The following CAMKMT variants were observed in gnomAD, a reference collection of about 807,000 sequenced individuals.
The protein encoded by CAMKMT is CaM KMT.
CAMKMT carries 53 observed loss-of-function variants against 48.0 expected under a neutral mutation model. The ratio of observed to expected loss-of-function variants is 1.10; its 90% confidence interval spans 0.89 to 1.39. CAMKMT has a LOEUF of 1.39. Ranked by LOEUF, CAMKMT falls within the 40% of genes most tolerant of loss-of-function variation. CAMKMT has a pLI of 0.00. For missense variants in CAMKMT, 428 were observed against 402.7 expected (o/e 1.06, Z -0.54); for synonymous variants, 165 against 152.3 (o/e 1.08, Z -0.61).
rs535157458 is a variant in CAMKMT, at chr2:44,647,891, G to C, written c.377-56392G>C. ...CCACTACACTCCAGCCTGGGCGACA[G>C]AGTGAGACTCCGTCTCAAAAAAAAA... On this transcript the variant is annotated intron_variant, in intron 3 of 10. Coordinates refer to ENST00000378494, the MANE Select transcript of CAMKMT (RefSeq NM_024766.5). Among the ~76,000 whole-genome samples, 6 of 125,852 alleles carry C rather than the reference G, an allele frequency of 4.8e-5. No individual in the cohort carries two copies. In the Admixed American group the frequency reaches 5.7e-4, roughly 12 times the overall value. The allele number at this position is 125,852 out of a possible 152,430, so 82.6% of individuals were successfully genotyped here.
chr2:44,474,212 G>A (rs1178203255), intron 3 of CAMKMT, among the ~76,000 whole-genome samples: 13 of 152,068 alleles, frequency 8.5e-5, no homozygotes, highest in African/African-American at 2.7e-4. Flanking sequence ...TTGGGAGGCC[G>A]AGGCAGGCGG....
intron 3 of CAMKMT, among the ~76,000 whole-genome samples, chr2:44,685,094 C>T (rs1219091358): frequency 6.6e-6 from 1 of 151,324 alleles, no homozygotes; most frequent in Non-Finnish European, 1.5e-5. Flanking sequence ...CAATGAGGTC[C>T]CTGTCCTCAA....
At chr2:44,692,866 C>T (rs547943916) in intron 3 of CAMKMT, among the ~76,000 whole-genome samples, 1 of 152,158 alleles carries the variant, frequency 6.6e-6, no homozygotes, top group African/African-American at 2.4e-5. Context: ...GAATCAGACC[C>T]CAGATCCCTA....
chr2:44,687,121 A>G (rs911281207), intron 3 of CAMKMT, among the ~76,000 whole-genome samples: 13 of 152,172 alleles, frequency 8.5e-5, no homozygotes, highest in African/African-American at 2.9e-4. Context: ...ACATAATTCA[A>G]TTTTTTTATC....
chr2:44,516,998 T>C (rs1165042743), intron 3 of CAMKMT, among the ~76,000 whole-genome samples: 1 of 152,150 alleles, frequency 6.6e-6, no homozygotes, highest in Non-Finnish European at 1.5e-5. Context: ...TGTCTCAGCC[T>C]CCCAAAGTGC....
chr2:44,397,678 A>G (rs906097581), intron 3 of CAMKMT, among the ~76,000 whole-genome samples: 2 of 152,210 alleles, frequency 1.3e-5, no homozygotes, highest in Non-Finnish European at 1.5e-5. Context: ...TTTGTTATCA[A>G]TTACCAGAGA....
intron 3 of CAMKMT, among the ~76,000 whole-genome samples, chr2:44,654,508 A>G (rs1180847218): frequency 6.6e-6 from 1 of 151,826 alleles, no homozygotes; most frequent in Non-Finnish European, 1.5e-5. Flanking sequence ...GCTACAAACC[A>G]TTTTTCGTTT....
At chr2:44,637,155 C>T (rs915998193) in intron 3 of CAMKMT, among the ~76,000 whole-genome samples, 1 of 152,208 alleles carries the variant, frequency 6.6e-6, no homozygotes, top group South Asian at 2.1e-4. Flanking sequence ...TAATGACAGT[C>T]ATTTAGCTTT....
rs1179445742 is a variant in CAMKMT at position 44,706,298 on chromosome 2, TG to T, written c.450del (p.Cys151ValfsTer3). 6.2e-7 allele frequency: 1 copy of T among 1,613,194 alleles called. No individual in the cohort carries two copies. Among genetic ancestry groups the T allele is most frequent in the African/African-American group, 1.3e-5 (1 of 74,818 alleles). ...KHNNIFRALA[V>X]CELGGGMTCL... ...TTTCTCTCTTTCAGGGCCCTTGCTGTGTGTGAGCTAGGGGGTGGCATGACAT... is the reference window on the plus strand; with the variant it reads ...TTTCTCTCTTTCAGGGCCCTTGCTGTTGTGAGCTAGGGGGTGGCATGACAT... On this transcript the variant is annotated frameshift_variant, in exon 5 of 11. Coordinates refer to ENST00000378494, the MANE Select transcript of CAMKMT (RefSeq NM_024766.5). LOFTEE classifies it high-confidence loss of function.
chr2:44,460,617 T>A (rs964275251), intron 3 of CAMKMT, among the ~76,000 whole-genome samples: 2 of 152,040 alleles, frequency 1.3e-5, no homozygotes, highest in Admixed American at 1.3e-4. Flanking sequence ...TGGACACTGG[T>A]GATGTGGTTG....
At chr2:44,654,650 C>A (rs1685323053) in intron 3 of CAMKMT, among the ~76,000 whole-genome samples, 1 of 152,066 alleles carries the variant, frequency 6.6e-6, no homozygotes, top group Non-Finnish European at 1.5e-5. Context: ...GTAGCTGGGA[C>A]TACAGACGTG....
chr2:44,507,246 C>A (rs115072217), intron 3 of CAMKMT, among the ~76,000 whole-genome samples: 1 of 152,128 alleles, frequency 6.6e-6, no homozygotes, highest in Admixed American at 6.5e-5. Flanking sequence ...TCAGTAAATT[C>A]TTTTTGTCAT....
chr2:44,438,566 G>A (rs58309621), intron 3 of CAMKMT, among the ~76,000 whole-genome samples: 11,469 of 152,204 alleles, frequency 0.075, 1,287 homozygotes, highest in African/African-American at 0.25. Context: ...AGTCTGTGAC[G>A]TAAAGTTAGG....
At chr2:44,588,794 C>T (rs1242480079) in intron 3 of CAMKMT, among the ~76,000 whole-genome samples, 6 of 40,108 alleles carry the variant, frequency 1.5e-4, no homozygotes, top group African/African-American at 5.4e-4. Context: ...CCCCACTGCC[C>T]GGCCAGCCGC....
At chr2:44,603,770 G>A (rs1006499680) in intron 3 of CAMKMT, among the ~76,000 whole-genome samples, 7 of 152,078 alleles carry the variant, frequency 4.6e-5, no homozygotes, top group Non-Finnish European at 1.0e-4. Context: ...GATTCTATTT[G>A]CATTCTTTCA....
intron 3 of CAMKMT, among the ~76,000 whole-genome samples, chr2:44,558,983 GGATAGATA>G (rs57423310): frequency 1.3e-5 from 2 of 151,602 alleles, no homozygotes; most frequent in East Asian, 1.9e-4. Context: ...ATGTATGTAT[GGATAGATA>G]GATAGATAGA....
chr2:44,654,459 G>T (rs1264434536), intron 3 of CAMKMT, among the ~76,000 whole-genome samples: 5 of 152,110 alleles, frequency 3.3e-5, no homozygotes, highest in African/African-American at 1.2e-4. Context: ...TTAGTTGTAT[G>T]CCCTTTAGAC....
rs183793808 is a variant in CAMKMT, at chr2:44,501,619, A to G, written c.376+111314A>G. ...GAATTTGTATGCCTTTTGTCCTATTAAAAAATTAATTAATAAAGGGCTCGG... is the reference window on the plus strand; with the variant it reads ...GAATTTGTATGCCTTTTGTCCTATTGAAAAATTAATTAATAAAGGGCTCGG... On this transcript the variant is annotated intron_variant, in intron 3 of 10. Transcript: ENST00000378494. Among the ~76,000 whole-genome samples, 52 of 152,286 alleles carry G rather than the reference A, an allele frequency of 3.4e-4. No homozygotes were observed. The East Asian group carries it at 3.9e-3, about 11-fold the overall frequency.
intron 3 of CAMKMT, among the ~76,000 whole-genome samples, chr2:44,641,343 A>G (rs1673441705): frequency 6.6e-6 from 1 of 152,088 alleles, no homozygotes; most frequent in African/African-American, 2.4e-5. Flanking sequence ...AGACGGTCTT[A>G]TGCACCCATT....
Sources: allele counts gnomAD v4.1 joint callset (sites outside exome capture counted in the v4.1 genomes callset), GRCh38; gene constraint gnomAD v4.1.1; transcripts MANE v1.5; gene names NCBI Gene and HGNC (gene_info 2026-07-23, HGNC 2026-07-21).